The following STXBP5L variants were observed in gnomAD, a reference collection of about 807,000 sequenced individuals.
STXBP5L encodes the protein syntaxin-binding protein 5-like.
In STXBP5L, 65 loss-of-function variants were observed where a neutral mutation model predicts 144.5. That is an observed-to-expected ratio of 0.45 (90% confidence interval 0.37 to 0.55). STXBP5L has a LOEUF of 0.55. Ranked by LOEUF, STXBP5L falls within the 20% of genes least tolerant of loss-of-function variation. The probability of loss-of-function intolerance (pLI) is 0.00; values close to 1 mark genes in which losing one functional copy is unlikely to be tolerated. For synonymous variants in STXBP5L, 505 were observed against 469.6 expected, an observed-to-expected ratio of 1.08 and a Z score of -0.97; for missense variants, 1,298 against 1,405.5, an observed-to-expected ratio of 0.92 and a Z score of 1.22.
chr3:121,097,440 G>A (rs936560654), intron 5 of STXBP5L, among the ~76,000 whole-genome samples: 2 of 152,178 alleles, frequency 1.3e-5, no homozygotes, highest in Non-Finnish European at 2.9e-5. Flanking sequence ...GCCCTGGTGG[G>A]GTAGGCACCA....
chr3:121,347,234 G>C (rs984669826), intron 20 of STXBP5L, among the ~76,000 whole-genome samples: 8 of 151,974 alleles, frequency 5.3e-5, no homozygotes, highest in East Asian at 1.9e-4. Flanking sequence ...TCTTGTTTTT[G>C]TCAGGTTTGT....
intron 7 of STXBP5L, among the ~76,000 whole-genome samples, chr3:121,125,376 C>T (rs961553190): frequency 6.6e-6 from 1 of 151,888 alleles, no homozygotes; most frequent in East Asian, 1.9e-4. Flanking sequence ...GAAGCTGAAG[C>T]AAGAGAATTG....
intron 3 of STXBP5L, among the ~76,000 whole-genome samples, chr3:120,978,790 G>T (rs190732551): frequency 1.3e-4 from 20 of 152,316 alleles, no homozygotes; most frequent in African/African-American, 4.6e-4. Flanking sequence ...CAGGTCTGTT[G>T]GAGTTTGCTA....
intron 5 of STXBP5L, among the ~76,000 whole-genome samples, chr3:121,094,893 T>C (rs1178097271): frequency 1.3e-5 from 2 of 152,318 alleles, no homozygotes; most frequent in South Asian, 4.2e-4. Context: ...TTTGGCATGA[T>C]TTTGCAGCGG....
intron 9 of STXBP5L, among the ~76,000 whole-genome samples, chr3:121,176,748 G>C (rs923707054): frequency 6.6e-6 from 1 of 151,328 alleles, no homozygotes; most frequent in Non-Finnish European, 1.5e-5. Flanking sequence ...ACCCAATAAG[G>C]GTGACTGAGA....
intron 5 of STXBP5L, among the ~76,000 whole-genome samples, chr3:121,089,406 T>C (rs1297061165): frequency 6.6e-6 from 1 of 151,986 alleles, no homozygotes; most frequent in Non-Finnish European, 1.5e-5. Context: ...TTTTTCATTT[T>C]ATACACCTGA....
At position 121,257,325 on chromosome 3, in the gene STXBP5L, A is replaced by G; in HGVS notation, c.1824A>G (p.Pro608=). The G allele has an allele frequency of 1.9e-6, 3 of 1,607,648 alleles. No individual in the cohort carries two copies. Among genetic ancestry groups the G allele is most frequent in the South Asian group, 1.1e-5 (1 of 89,952 alleles). Residue 608 remains proline, a synonymous_variant, in exon 17 of 27, where the codon CCA becomes CCG. Coordinates refer to ENST00000471454, the MANE Select transcript of STXBP5L (RefSeq NM_001308330.2). The part of the protein sequence containing the change: ...ASEGVTKDSI[P]CLNVKTRPVR... ...AAGGAGTAACAAAGGACAGTATTCC[A>G]TGCCTCAAGTAAGAGTTTCTACCAA... is the stretch of plus-strand genomic sequence containing the variant.
At chr3:121,190,978 G>A (rs989863002) in intron 9 of STXBP5L, among the ~76,000 whole-genome samples, 13 of 151,964 alleles carry the variant, frequency 8.6e-5, no homozygotes, top group Admixed American at 2.6e-4. Flanking sequence ...CATCCCAGAC[G>A]ATGGGCGGCT....
At chr3:121,026,450 T>C (rs2107483375) in intron 3 of STXBP5L, among the ~76,000 whole-genome samples, 1 of 152,232 alleles carries the variant, frequency 6.6e-6, no homozygotes, top group East Asian at 1.9e-4. Context: ...ATTTTGCTTA[T>C]TTGTTTGCTG....
intron 3 of STXBP5L, among the ~76,000 whole-genome samples, chr3:121,028,417 C>G (rs1946111776): frequency 6.6e-6 from 1 of 152,004 alleles, no homozygotes; most frequent in Non-Finnish European, 1.5e-5. Context: ...TCCTCAAAAA[C>G]TTAGAAATTT....
At chr3:121,032,557 C>G (rs1946447328) in intron 3 of STXBP5L, among the ~76,000 whole-genome samples, 1 of 148,904 alleles carries the variant, frequency 6.7e-6, no homozygotes, top group African/African-American at 2.5e-5. Context: ...CAACAAAAGC[C>G]AAAATTGACA....
chr3:121,355,561 CT>C (rs748441894), intron 20 of STXBP5L, among the ~76,000 whole-genome samples: 1 of 152,132 alleles, frequency 6.6e-6, no homozygotes, highest in Non-Finnish European at 1.5e-5. Flanking sequence ...CTTCTCTATT[CT>C]GTTTATTCTA....
chr3:121,000,691 G>A (rs1318065725), intron 3 of STXBP5L, among the ~76,000 whole-genome samples: 3 of 152,130 alleles, frequency 2.0e-5, no homozygotes, highest in African/African-American at 4.8e-5. Context: ...AAGGCACTCC[G>A]GATTTTACAG....
chr3:121,178,978 T>C (rs2047037812), intron 9 of STXBP5L, among the ~76,000 whole-genome samples: 1 of 151,950 alleles, frequency 6.6e-6, no homozygotes, highest in Admixed American at 6.6e-5. Context: ...AAATGGGAAC[T>C]GTGGCAGATA....
chr3:121,277,348 G>A (rs898528190), intron 18 of STXBP5L, among the ~76,000 whole-genome samples: 1 of 151,984 alleles, frequency 6.6e-6, no homozygotes, highest in Non-Finnish European at 1.5e-5. Flanking sequence ...TCATCTTGGG[G>A]GTTAAGTTTT....
At chr3:121,018,174 A>G (rs1945278361) in intron 3 of STXBP5L, among the ~76,000 whole-genome samples, 2 of 152,242 alleles carry the variant, frequency 1.3e-5, no homozygotes, top group Admixed American at 6.5e-5. Context: ...AACTTGATCT[A>G]TAGATTCAAT....
chr3:121,196,306 T>G (rs560423085), intron 9 of STXBP5L, among the ~76,000 whole-genome samples: 3 of 151,956 alleles, frequency 2.0e-5, no homozygotes, highest in South Asian at 4.2e-4. Context: ...GGCTAATTTT[T>G]TTTTGTATTT....
At chr3:121,252,760 T>C (rs1275079003) in intron 15 of STXBP5L, among the ~76,000 whole-genome samples, 3 of 152,236 alleles carry the variant, frequency 2.0e-5, no homozygotes, top group African/African-American at 7.2e-5. Flanking sequence ...ATTTATCATC[T>C]CACTGTTTCT....
chr3:121,122,446 A>G (rs12486546), intron 7 of STXBP5L, among the ~76,000 whole-genome samples: 15,004 of 151,232 alleles, frequency 0.099, 1,173 homozygotes, highest in Admixed American at 0.2. Flanking sequence ...TTTAAAATTT[A>G]TTAAGAAAAG....
Sources: allele counts gnomAD v4.1 joint callset (sites outside exome capture counted in the v4.1 genomes callset), GRCh38; gene constraint gnomAD v4.1.1; transcripts MANE v1.5; gene names NCBI Gene and HGNC (gene_info 2026-07-23, HGNC 2026-07-21).